Variants in RPH3A observed in about 807,000 individuals in gnomAD.
RPH3A encodes rabphilin-3A.
In RPH3A, 48 loss-of-function variants were observed where a neutral mutation model predicts 102.2. The observed-to-expected ratio is 0.47, with a 90% CI of 0.37 to 0.60. The LOEUF (loss-of-function observed/expected upper bound fraction) is 0.60, where lower values mean the gene tolerates loss of function less well. Ranked by LOEUF, RPH3A falls within the 20% of genes least tolerant of loss-of-function variation. RPH3A has a pLI of 0.00. For synonymous variants in RPH3A, 310 were observed against 324.3 expected (o/e 0.96, Z 0.47); for missense variants, 781 against 910.1 (o/e 0.86, Z 1.83).
At chr12:112,773,709 A>G (rs1288018030) in intron 1 of RPH3A, among the ~76,000 whole-genome samples, 1 of 151,586 alleles carries the variant, frequency 6.6e-6, no homozygotes, top group Non-Finnish European at 1.5e-5. Flanking sequence ...AATGGGCCAC[A>G]ATGAGAGGTG....
chr12:112,759,660 T>C (rs1331115432), intron 1 of RPH3A, among the ~76,000 whole-genome samples: 1 of 152,122 alleles, frequency 6.6e-6, no homozygotes, highest in East Asian at 1.9e-4. Flanking sequence ...CTCCAAAAGG[T>C]GAGATTAAAG....
chr12:112,699,339 A>G (rs2136027913), intron 1 of RPH3A, among the ~76,000 whole-genome samples: 1 of 152,376 alleles, frequency 6.6e-6, no homozygotes, highest in Admixed American at 6.5e-5. Flanking sequence ...GAATGTCTAG[A>G]GAAGCTTTAT....
chr12:112,603,869 T>A (rs560480355), intron 1 of RPH3A, among the ~76,000 whole-genome samples: 1 of 152,110 alleles, frequency 6.6e-6, no homozygotes, highest in African/African-American at 2.4e-5. Context: ...GGATGTAATA[T>A]AACCCAGCCC....
intron 1 of RPH3A, among the ~76,000 whole-genome samples, chr12:112,730,507 C>G (rs1425894917): frequency 6.6e-6 from 1 of 152,246 alleles, no homozygotes; most frequent in Non-Finnish European, 1.5e-5. Flanking sequence ...CCTCCAGGGA[C>G]TGTATTTGCT....
chr12:112,849,659 G>A (rs2042290505), intron 5 of RPH3A, among the ~76,000 whole-genome samples: 1 of 152,052 alleles, frequency 6.6e-6, no homozygotes, highest in Admixed American at 6.6e-5. Flanking sequence ...AGGTATTTTT[G>A]CCGGTTTTGT....
intron 7 of RPH3A, 185 bp from the exon 8 acceptor site, chr12:112,868,245 A>G: frequency 1.8e-6 from 1 of 561,880 alleles, no homozygotes; most frequent in Admixed American, 3.2e-5. Context: ...CTTTCTACTG[A>G]GTTTTCAGGG....
At chr12:112,673,198 A>C (rs1342519387) in intron 1 of RPH3A, among the ~76,000 whole-genome samples, 3 of 152,110 alleles carry the variant, frequency 2.0e-5, no homozygotes, top group Non-Finnish European at 4.4e-5. Context: ...AAAATTAAAG[A>C]ATTATTATCA....
At chr12:112,642,354 G>A (rs1330634233) in intron 1 of RPH3A, among the ~76,000 whole-genome samples, 1 of 152,088 alleles carries the variant, frequency 6.6e-6, no homozygotes, top group African/African-American at 2.4e-5. Flanking sequence ...ACATTAATAG[G>A]GGTGCCAGAT....
At chr12:112,766,453 G>A (rs968750414) in intron 1 of RPH3A, among the ~76,000 whole-genome samples, 14 of 152,064 alleles carry the variant, frequency 9.2e-5, no homozygotes, top group South Asian at 4.2e-4. Flanking sequence ...ACCCTGAAAC[G>A]TGAAAATTAT....
intron 17 of RPH3A, among the ~76,000 whole-genome samples, chr12:112,889,487 A>C (rs186750296): frequency 1.3e-5 from 2 of 152,260 alleles, no homozygotes; most frequent in East Asian, 3.9e-4. Context: ...TTCCCCCATT[A>C]TGTCCCACTG....
At chr12:112,868,829 T>A in intron 8 of RPH3A, 1 of 449,110 alleles carries the variant, frequency 2.2e-6, no homozygotes, top group Non-Finnish European at 3.9e-6. Flanking sequence ...TTCATTGTCA[T>A]CCCTGGTGGC....
At chr12:112,894,735 A>C (rs1232655691) in intron 20 of RPH3A, 76 bp downstream of exon 20, 1 of 1,228,590 alleles carries the variant, frequency 8.1e-7, no homozygotes, top group African/African-American at 1.5e-5. Flanking sequence ...CCACATAGCC[A>C]TTAAATATGT....
intron 1 of RPH3A, among the ~76,000 whole-genome samples, chr12:112,756,547 A>C (rs1456924896): frequency 6.6e-6 from 1 of 152,234 alleles, no homozygotes; most frequent in Non-Finnish European, 1.5e-5. Context: ...AAGCTAAAAT[A>C]TCACACTCTA....
intron 1 of RPH3A, among the ~76,000 whole-genome samples, chr12:112,616,321 AT>A (rs2039679213): frequency 6.6e-6 from 1 of 151,922 alleles, no homozygotes; most frequent in African/African-American, 2.4e-5. Context: ...TAATTTTTGT[AT>A]TTTTAGTAGA....
intron 1 of RPH3A, among the ~76,000 whole-genome samples, chr12:112,753,751 C>T (rs2040801637): frequency 6.6e-6 from 1 of 152,124 alleles, no homozygotes. Context: ...AAGTTTGAAT[C>T]CTAGTTATGA....
intron 1 of RPH3A, among the ~76,000 whole-genome samples, chr12:112,712,649 C>T (rs558065890): frequency 6.6e-6 from 1 of 151,668 alleles, no homozygotes; most frequent in South Asian, 2.1e-4. Context: ...CTCATTTGTC[C>T]CCTACTTGTG....
intron 1 of RPH3A, among the ~76,000 whole-genome samples, chr12:112,616,966 C>T (rs1339390519): frequency 6.6e-6 from 1 of 152,170 alleles, no homozygotes; most frequent in East Asian, 1.9e-4. Context: ...ATTTGTAATG[C>T]AGATTTTGAC....
chr12:112,738,952 G>T (rs758897999), intron 1 of RPH3A, among the ~76,000 whole-genome samples: 1 of 152,050 alleles, frequency 6.6e-6, no homozygotes, highest in Non-Finnish European at 1.5e-5. Context: ...AAGTAGGGTC[G>T]CAGTATGAGG....
At chr12:112,718,388 A>G (rs560064349) in intron 1 of RPH3A, among the ~76,000 whole-genome samples, 4 of 152,220 alleles carry the variant, frequency 2.6e-5, no homozygotes, top group Non-Finnish European at 5.9e-5. Flanking sequence ...AAATGTAGAG[A>G]GGGAAAGAAA....
Sources: gnomAD v4.1 joint callset for allele counts (sites outside exome capture counted in the v4.1 genomes callset) on GRCh38, gnomAD v4.1.1 for gene constraint, MANE v1.5 for transcripts, NCBI Gene and HGNC (gene_info 2026-07-23, HGNC 2026-07-21) for gene names.